MYBL1: variants seen among roughly 807,000 people sequenced by gnomAD.
The protein encoded by MYBL1 is MYB proto-oncogene like 1, also known as myb-related protein A.
A neutral mutation model predicts 96.3 loss-of-function variants in MYBL1; 17 were observed. That is an observed-to-expected ratio of 0.18 (90% CI 0.12 to 0.26). The LOEUF (loss-of-function observed/expected upper bound fraction) is 0.26. MYBL1 is among the 10% of genes least tolerant of loss of function. MYBL1 has a pLI of 1.00. For synonymous variants in MYBL1, 282 were observed against 292.7 expected (o/e 0.96, Z 0.37); for missense variants, 701 against 882.9 (o/e 0.79, Z 2.61).
At position 66,599,202 on chromosome 8, in the gene MYBL1, C is replaced by T; in HGVS notation, c.199-60G>A. 2.2e-5 allele frequency: 25 copies of T among 1,118,798 alleles called. No individual in the cohort carries two copies. In the South Asian group the frequency reaches 2.5e-4, roughly 11 times the overall value. 69.3% of individuals were successfully genotyped at this position (1,118,798 alleles called of 1,614,324 possible). Reference sequence around the variant, plus strand: ...CTGTCTTCCAGAAAGCAAGTCAGCCCGAATTTATGTCTCACATCCTTAGAA... The same window carrying T: ...CTGTCTTCCAGAAAGCAAGTCAGCCTGAATTTATGTCTCACATCCTTAGAA... On this transcript the variant is annotated intron_variant, in intron 3 of 15. Coordinates refer to ENST00000522677, the MANE Select transcript of MYBL1 (RefSeq NM_001080416.4).
At chr8:66,600,189 C>T (rs1196888338) in intron 3 of MYBL1, among the ~76,000 whole-genome samples, 1 of 152,138 alleles carries the variant, frequency 6.6e-6, no homozygotes, top group African/African-American at 2.4e-5. Flanking sequence ...CTGGTAACTC[C>T]TATACATTAC....
At chr8:66,586,407 A>C (rs1262822415) in intron 8 of MYBL1, among the ~76,000 whole-genome samples, 1 of 152,122 alleles carries the variant, frequency 6.6e-6, no homozygotes, top group Non-Finnish European at 1.5e-5. Flanking sequence ...AAAACATACA[A>C]ATGGACAATG....
intron 1 of MYBL1, among the ~76,000 whole-genome samples, chr8:66,608,048 C>T (rs139021444): frequency 7.9e-4 from 120 of 152,290 alleles, no homozygotes; most frequent in African/African-American, 2.6e-3. Flanking sequence ...ATCTACATCA[C>T]ATTTAATCAT....
chr8:66,598,995 A>G, intron 4 of MYBL1, 55 bp downstream of exon 4: 1 of 1,197,166 alleles, frequency 8.4e-7, no homozygotes, highest in Non-Finnish European at 1.1e-6. Context: ...AACACATTAA[A>G]AAGAAAAAAG....
chr8:66,580,256 T>C lies in MYBL1; in HGVS notation c.978A>G (p.Glu326=), dbSNP rs1042733. ...TCTGCTGAGCAGACACAGGCTGATT[T>C]TCATCCATACTGTAAAACTCACTAG... is the stretch of plus-strand genomic sequence containing the variant. ...EHTSEFYSMD[E]NQPVSAQQNS... The change falls in exon 9 of 16, where the codon GAA becomes GAG. Residue 326 remains glutamate (E), a synonymous_variant. Coordinates refer to ENST00000522677, the MANE Select transcript of MYBL1 (RefSeq NM_001080416.4). 6.2e-7 allele frequency: 1 copy of C among 1,613,908 alleles called. No homozygotes were observed. The highest frequency in any genetic ancestry group is 1.1e-5 in the South Asian group (1 of 91,070).
At position 66,564,713 on chromosome 8, in the gene MYBL1, C is replaced by A; in HGVS notation, c.2243G>T (p.Arg748Ile). The change falls in exon 16 of 16, where the codon AGA becomes ATA. Residue 748 changes from arginine (R) to isoleucine (I), a missense_variant. By Grantham distance (97) the Arg-to-Ile change is moderately conservative. Transcript: ENST00000522677. ...STYTATSSTS[R>I]ALIL Reference sequence around the variant, plus strand: ...TAATAACAATTACAGTATGAGAGCTCTTGAAGTACTACTGGTAGCTGTGTA... The same window carrying A: ...TAATAACAATTACAGTATGAGAGCTATTGAAGTACTACTGGTAGCTGTGTA... The A allele has an allele frequency of 6.3e-7, 1 of 1,579,068 alleles. No homozygotes were observed. Among genetic ancestry groups the A allele is most frequent in the Non-Finnish European group, 8.6e-7 (1 of 1,159,624 alleles).
At chr8:66,568,816 G>A (rs1211831793) in intron 12 of MYBL1, among the ~76,000 whole-genome samples, 2 of 151,804 alleles carry the variant, frequency 1.3e-5, no homozygotes, top group African/African-American at 4.8e-5. Context: ...CACGAGGTCA[G>A]GAGTTCAAGA....
intron 12 of MYBL1, among the ~76,000 whole-genome samples, chr8:66,572,230 G>C (rs1191603182): frequency 1.3e-5 from 2 of 151,712 alleles, no homozygotes; most frequent in Non-Finnish European, 2.9e-5. Context: ...TGAGGCATGA[G>C]GATCACTTGA....
intron 15 of MYBL1, 167 bp from the exon 16 acceptor site, chr8:66,564,992 A>C: frequency 2.6e-6 from 1 of 388,266 alleles, no homozygotes; most frequent in Middle Eastern, 7.2e-4. Context: ...ATGTTTTAAA[A>C]TATATACTGA....
chr8:66,585,749 A>G (rs1167110014), intron 8 of MYBL1, among the ~76,000 whole-genome samples: 1 of 152,206 alleles, frequency 6.6e-6, no homozygotes, highest in African/African-American at 2.4e-5. Flanking sequence ...TCTCAAAAAA[A>G]GAAAGAAAAC....
At chr8:66,594,745 T>C (rs1432199519) in intron 6 of MYBL1, among the ~76,000 whole-genome samples, 1 of 152,180 alleles carries the variant, frequency 6.6e-6, no homozygotes, top group Non-Finnish European at 1.5e-5. Context: ...AAAATGTCAT[T>C]ACTCTAAGTG....
intron 8 of MYBL1, among the ~76,000 whole-genome samples, chr8:66,589,864 G>A (rs183483557): frequency 1.2e-3 from 185 of 152,220 alleles, no homozygotes; most frequent in African/African-American, 4.4e-3. Context: ...GGTTTTTGCA[G>A]TTTCAAAACA....
rs765933897 is a variant in MYBL1, at chr8:66,567,022, G to C, written c.1729-30C>G. On this transcript the variant is annotated intron_variant, in intron 12 of 15. Transcript: ENST00000522677. ...ATTGTTTTTTAAAATGTTGTAAAAA[G>C]TCATTTATAGCAATTCCTTTTTCTC... The C allele has an allele frequency of 2.9e-5, 42 of 1,448,924 alleles. 1 individual carries two copies. The South Asian group carries it at 4.5e-4, about 16-fold the overall frequency. 89.8% of individuals were successfully genotyped at this position (1,448,924 alleles called of 1,614,324 possible).
chr8:66,573,646 G>A lies in MYBL1; in HGVS notation c.1471-140C>T, dbSNP rs377705376. 19 of 714,176 alleles carry A rather than the reference G, an allele frequency of 2.7e-5. No individual in the cohort carries two copies. In the East Asian group the frequency reaches 3.7e-4, roughly 14 times the overall value. The allele number at this position is 714,176 out of a possible 1,614,324, so 44.2% of individuals were successfully genotyped here. On this transcript the variant is annotated intron_variant, in intron 10 of 15. Coordinates refer to ENST00000522677, the MANE Select transcript of MYBL1 (RefSeq NM_001080416.4). ...AATAATATTACACTTATACTCCATG[G>A]AAATTATGCTCCATGAGGGTAGGAA...
intron 11 of MYBL1, 109 bp downstream of exon 11, chr8:66,573,255 C>T (rs1374443741): frequency 9.0e-7 from 1 of 1,111,008 alleles, no homozygotes; most frequent in East Asian, 2.7e-5. Context: ...ATTCTAAGTC[C>T]TGTAGGAATA....
chr8:66,593,061 G>GA, intron 7 of MYBL1, 59 bp downstream of exon 7: 1 of 1,084,404 alleles, frequency 9.2e-7, no homozygotes, highest in East Asian at 2.6e-5. Context: ...GATACTATTA[G>GA]GCTTTTAAAA....
chr8:66,579,469 C>A (rs905007669), intron 9 of MYBL1, among the ~76,000 whole-genome samples: 22 of 151,690 alleles, frequency 1.5e-4, no homozygotes, highest in African/African-American at 5.3e-4. Context: ...CCAGCCTGGC[C>A]AACATGATGA....
At chr8:66,587,731 T>C (rs189121847) in intron 8 of MYBL1, among the ~76,000 whole-genome samples, 60 of 152,304 alleles carry the variant, frequency 3.9e-4, no homozygotes, top group African/African-American at 1.4e-3. Flanking sequence ...AAATGTTCTA[T>C]ATTTCCAGCT....
chr8:66,565,481 A>G (rs1041624792), intron 15 of MYBL1: 1 of 152,280 alleles, frequency 6.6e-6, no homozygotes, highest in Non-Finnish European at 1.5e-5. Flanking sequence ...GTATGCTTCA[A>G]TATCAGGAAT....
Sources: allele counts gnomAD v4.1 joint callset (sites outside exome capture counted in the v4.1 genomes callset), GRCh38; gene constraint gnomAD v4.1.1; transcripts MANE v1.5; gene names NCBI Gene and HGNC (gene_info 2026-07-23, HGNC 2026-07-21).